MTUS1: variants seen among roughly 807,000 people sequenced by gnomAD.
The protein encoded by MTUS1 is microtubule-associated tumor suppressor 1.
Under a neutral mutation model 120.8 loss-of-function variants are expected in MTUS1, and 109 were observed. The observed-to-expected ratio is 0.90, with a 90% CI of 0.77 to 1.06. The LOEUF (loss-of-function observed/expected upper bound fraction) is 1.06. MTUS1 is among the 50% of genes least tolerant of loss of function. MTUS1 has a pLI of 0.00. For missense variants in MTUS1, 2,210 were observed against 1,486.3 expected (o/e 1.49, Z -8.01); for synonymous variants, 737 against 550.5 (o/e 1.34, Z -4.74).
At position 17,694,990 on chromosome 8, in the gene MTUS1, C is replaced by A. The variant is rs183434253; in HGVS notation, c.2624-10448G>T. Among the ~76,000 whole-genome samples, 500 of 152,206 alleles carry A rather than the reference C, an allele frequency of 3.3e-3. 2 individuals are homozygous for A. Among genetic ancestry groups the A allele is most frequent in the Non-Finnish European group, 5.7e-3 (389 of 68,014 alleles). On this transcript the variant is annotated intron_variant, in intron 6 of 14. Coordinates refer to ENST00000693296, the MANE Select transcript of MTUS1 (RefSeq NM_001363059.2). The stretch of plus-strand genomic sequence containing the variant: ...CACCAGCAGAATCAAGGCTACAATC[C>A]AGGCCTCTTGGGATCCAGGTCAACA...
At chr8:17,676,269 T>G (rs1308813132) in intron 7 of MTUS1, 1 of 702,926 alleles carries the variant, frequency 1.4e-6, no homozygotes, top group Non-Finnish European at 2.6e-6. Context: ...AAACAAATAC[T>G]AATTACCCTT....
At chr8:17,694,739 G>A (rs922509173) in intron 6 of MTUS1, among the ~76,000 whole-genome samples, 5 of 152,102 alleles carry the variant, frequency 3.3e-5, no homozygotes, top group Non-Finnish European at 7.4e-5. Flanking sequence ...GTCATGAAAA[G>A]AAACAGATAA....
intron 8 of MTUS1, among the ~76,000 whole-genome samples, chr8:17,669,430 A>G (rs1811556584): frequency 6.6e-6 from 1 of 152,164 alleles, no homozygotes; most frequent in African/African-American, 2.4e-5. Context: ...ACAAAGGGGA[A>G]AGAGTGCCTA....
At chr8:17,800,166 T>C (rs2052566379) in intron 1 of MTUS1, among the ~76,000 whole-genome samples, 1 of 152,130 alleles carries the variant, frequency 6.6e-6, no homozygotes, top group Admixed American at 6.5e-5. Context: ...AAGCAATGAC[T>C]CTCTTTTTTA....
chr8:17,740,737 G>A (rs770562102), intron 3 of MTUS1, among the ~76,000 whole-genome samples: 2 of 152,182 alleles, frequency 1.3e-5, no homozygotes, highest in Non-Finnish European at 2.9e-5. Context: ...TTTTCTCACA[G>A]TTCTGAAGGC....
At chr8:17,702,724 C>T (rs945418777) in intron 6 of MTUS1, among the ~76,000 whole-genome samples, 3 of 152,128 alleles carry the variant, frequency 2.0e-5, no homozygotes, top group East Asian at 3.9e-4. Context: ...TTAAAGGCTG[C>T]ATAATACTCC....
chr8:17,695,981 G>T (rs1307432379), intron 6 of MTUS1, among the ~76,000 whole-genome samples: 1 of 152,112 alleles, frequency 6.6e-6, no homozygotes, highest in East Asian at 1.9e-4. Flanking sequence ...TTGGAGCGTG[G>T]ATTACAGTAT....
At chr8:17,780,144 G>A (rs778475283) in intron 1 of MTUS1, among the ~76,000 whole-genome samples, 18 of 152,006 alleles carry the variant, frequency 1.2e-4, no homozygotes, top group African/African-American at 3.9e-4. Context: ...GTGTGGCAGC[G>A]GACTCTGGGC....
At chr8:17,665,071 T>G (rs1409501291) in intron 8 of MTUS1, among the ~76,000 whole-genome samples, 1 of 152,196 alleles carries the variant, frequency 6.6e-6, no homozygotes, top group African/African-American at 2.4e-5. Flanking sequence ...ACTCTTATGC[T>G]TTGTAGAAAG....
chr8:17,722,588 C>G (rs918005827), intron 4 of MTUS1: 1 of 985,030 alleles, frequency 1.0e-6, no homozygotes, highest in African/African-American at 1.7e-5. Flanking sequence ...AGTCCAGCTA[C>G]TGCTGCTAGG....
chr8:17,740,194 C>A (rs575905256), intron 3 of MTUS1, among the ~76,000 whole-genome samples: 24 of 150,410 alleles, frequency 1.6e-4, no homozygotes, highest in African/African-American at 5.9e-4. Flanking sequence ...ATCAACAGAG[C>A]GAGACTCCGT....
intron 6 of MTUS1, among the ~76,000 whole-genome samples, chr8:17,694,707 G>A (rs1241983246): frequency 6.6e-6 from 1 of 152,082 alleles, no homozygotes; most frequent in Non-Finnish European, 1.5e-5. Flanking sequence ...CAAAGGTGGG[G>A]TTTGATGACC....
chr8:17,757,065 T>A (rs1361505832), intron 1 of MTUS1, among the ~76,000 whole-genome samples: 1 of 152,150 alleles, frequency 6.6e-6, no homozygotes, highest in Non-Finnish European at 1.5e-5. Context: ...TGAAAACATA[T>A]GTCAACATGG....
At chr8:17,777,474 A>G (rs1045427563) in intron 1 of MTUS1, among the ~76,000 whole-genome samples, 3 of 151,500 alleles carry the variant, frequency 2.0e-5, no homozygotes, top group African/African-American at 7.3e-5. Flanking sequence ...AAAAGATGTC[A>G]GGCACAGTGT....
intron 7 of MTUS1, among the ~76,000 whole-genome samples, chr8:17,675,483 C>G (rs897659437): frequency 6.6e-6 from 1 of 152,294 alleles, no homozygotes; most frequent in East Asian, 1.9e-4. Context: ...TTTGGTTTGA[C>G]GCAGTGAATG....
chr8:17,691,134 G>A (rs1816861630), intron 6 of MTUS1, among the ~76,000 whole-genome samples: 1 of 152,116 alleles, frequency 6.6e-6, no homozygotes, highest in Non-Finnish European at 1.5e-5. Context: ...TTCCCATTCT[G>A]AATGCAACTC....
intron 3 of MTUS1, among the ~76,000 whole-genome samples, chr8:17,743,223 A>T (rs1480839991): frequency 1.3e-5 from 2 of 152,264 alleles, no homozygotes; most frequent in African/African-American, 4.8e-5. Flanking sequence ...TAAAAAAAAA[A>T]TTAATCTCTT....
chr8:17,694,090 T>G (rs934145985), intron 6 of MTUS1, among the ~76,000 whole-genome samples: 1 of 152,180 alleles, frequency 6.6e-6, no homozygotes, highest in Non-Finnish European at 1.5e-5. Context: ...TATTAATTTT[T>G]TGTGTGTGGT....
chr8:17,721,648 C>A, intron 4 of MTUS1: 1 of 1,495,358 alleles, frequency 6.7e-7, no homozygotes, highest in South Asian at 1.4e-5. Context: ...GATCCTAAAT[C>A]AATTTATTGA....
Sources: allele counts gnomAD v4.1 joint callset (sites outside exome capture counted in the v4.1 genomes callset), GRCh38; gene constraint gnomAD v4.1.1; transcripts MANE v1.5; gene names NCBI Gene and HGNC (gene_info 2026-07-23, HGNC 2026-07-21).